PKNOX2: variants seen among roughly 807,000 people sequenced by gnomAD.
The protein encoded by PKNOX2 is homeobox protein PKNOX2.
Under a neutral mutation model 53.1 loss-of-function variants are expected in PKNOX2, and 14 were observed. The ratio of observed to expected loss-of-function variants is 0.26; its 90% CI spans 0.17 to 0.41. The LOEUF (loss-of-function observed/expected upper bound fraction) is 0.41, where lower values mean the gene tolerates loss of function less well. PKNOX2 is among the 10% of genes least tolerant of loss of function. PKNOX2 has a pLI of 1.00. For missense variants in PKNOX2, 496 were observed against 602.8 expected (o/e 0.82, Z 1.85); for synonymous variants, 257 against 242.8 (o/e 1.06, Z -0.54).
intron 2 of PKNOX2, among the ~76,000 whole-genome samples, chr11:125,282,106 C>G (rs566130495): frequency 6.6e-6 from 1 of 152,330 alleles, no homozygotes; most frequent in Non-Finnish European, 1.5e-5. Context: ...CACTGCTCAG[C>G]TTGTCAGATA....
At chr11:125,296,299 A>G (rs1490591086) in intron 2 of PKNOX2, among the ~76,000 whole-genome samples, 1 of 152,170 alleles carries the variant, frequency 6.6e-6, no homozygotes, top group African/African-American at 2.4e-5. Flanking sequence ...ATGAACACTC[A>G]AAGTCTACTC....
At chr11:125,341,455 G>A (rs1447377883) in intron 3 of PKNOX2, among the ~76,000 whole-genome samples, 5 of 152,248 alleles carry the variant, frequency 3.3e-5, no homozygotes, top group African/African-American at 1.2e-4. Context: ...GGTAGACTTT[G>A]TGCAGTCATA....
intron 1 of PKNOX2, among the ~76,000 whole-genome samples, chr11:125,221,692 G>A (rs1941168785): frequency 6.6e-6 from 1 of 152,084 alleles, no homozygotes; most frequent in South Asian, 2.1e-4. Flanking sequence ...AGCAACACTG[G>A]CACATTTCCT....
intron 7 of PKNOX2, among the ~76,000 whole-genome samples, chr11:125,401,885 G>T (rs1029231201): frequency 1.3e-5 from 2 of 152,050 alleles, no homozygotes; most frequent in Admixed American, 1.3e-4. Flanking sequence ...CCTGGGGAGG[G>T]GTGTCTCCCC....
chr11:125,222,286 A>G (rs902194744), intron 1 of PKNOX2, among the ~76,000 whole-genome samples: 1 of 151,776 alleles, frequency 6.6e-6, no homozygotes, highest in African/African-American at 2.4e-5. Context: ...GCTGACACGG[A>G]TGCCTTTCCT....
intron 3 of PKNOX2, among the ~76,000 whole-genome samples, chr11:125,340,793 C>T (rs955388343): frequency 8.6e-5 from 13 of 151,778 alleles, no homozygotes; most frequent in Admixed American, 4.6e-4. Context: ...GGCTCACGCC[C>T]GTAATCCCAG....
chr11:125,339,805 A>G (rs1030583768), intron 3 of PKNOX2, among the ~76,000 whole-genome samples: 8 of 152,230 alleles, frequency 5.3e-5, no homozygotes, highest in African/African-American at 1.9e-4. Context: ...CAGCTACGAC[A>G]CATTATCAGA....
At chr11:125,378,230 G>A (rs190627111) in intron 5 of PKNOX2, among the ~76,000 whole-genome samples, 26 of 152,342 alleles carry the variant, frequency 1.7e-4, no homozygotes, top group Admixed American at 7.8e-4. Flanking sequence ...CACTCACTGT[G>A]TGCCGGTAGG....
intron 2 of PKNOX2, among the ~76,000 whole-genome samples, chr11:125,328,188 G>T (rs1024138391): frequency 1.3e-5 from 2 of 152,198 alleles, no homozygotes; most frequent in African/African-American, 4.8e-5. Context: ...CCTGACCCTG[G>T]CCCTGAGCCC....
intron 2 of PKNOX2, among the ~76,000 whole-genome samples, chr11:125,314,750 C>T (rs1036745551): frequency 6.6e-6 from 1 of 152,152 alleles, no homozygotes; most frequent in Admixed American, 6.5e-5. Context: ...GCCCTGCCCC[C>T]GAGAGGACAA....
At chr11:125,243,458 T>C (rs1943312369) in intron 2 of PKNOX2, among the ~76,000 whole-genome samples, 1 of 152,148 alleles carries the variant, frequency 6.6e-6, no homozygotes, top group African/African-American at 2.4e-5. Context: ...GGACTCCATG[T>C]CTCGTTATCT....
Position 125,431,880 on chromosome 11 carries a change from C to T in PKNOX2, c.*488C>T, listed in dbSNP as rs116112817. 6.6e-3 allele frequency: 1,080 copies of T among 163,296 alleles called. 14 individuals are homozygous for T. The highest frequency in any genetic ancestry group is 0.025 in the African/African-American group (1,034 of 41,782). The allele number at this position is 163,296 out of a possible 1,614,324, so 10.1% of individuals were successfully genotyped here. On this transcript the variant is annotated 3_prime_UTR_variant, in exon 13 of 13. Transcript: ENST00000298282. Reference sequence around the variant, plus strand: ...AGCTCCTTTGACAGACATTCAAGGGCAGGAGGGAGCCCCAAAGCATAACCA... The same window carrying T: ...AGCTCCTTTGACAGACATTCAAGGGTAGGAGGGAGCCCCAAAGCATAACCA...
intron 10 of PKNOX2, among the ~76,000 whole-genome samples, chr11:125,426,904 A>G (rs1340436755): frequency 1.3e-5 from 2 of 152,212 alleles, no homozygotes; most frequent in East Asian, 3.9e-4. Flanking sequence ...GGCCTTGCAG[A>G]GGCTGTGATC....
At chr11:125,377,191 G>T (rs1952893441) in intron 5 of PKNOX2, among the ~76,000 whole-genome samples, 1 of 152,238 alleles carries the variant, frequency 6.6e-6, no homozygotes, top group South Asian at 2.1e-4. Flanking sequence ...ACAGGAACCT[G>T]CATGGGAGGT....
intron 3 of PKNOX2, among the ~76,000 whole-genome samples, chr11:125,336,122 A>G (rs898588393): frequency 6.6e-6 from 1 of 152,194 alleles, no homozygotes; most frequent in Admixed American, 6.5e-5. Flanking sequence ...TATTATATAG[A>G]TGCATAATTA....
chr11:125,298,189 G>T (rs981301056), intron 2 of PKNOX2, among the ~76,000 whole-genome samples: 2 of 152,158 alleles, frequency 1.3e-5, no homozygotes, highest in African/African-American at 2.4e-5. Context: ...AGAGGCTGTT[G>T]GTTACCCCTG....
chr11:125,332,899 C>A (rs1950219147), intron 3 of PKNOX2, among the ~76,000 whole-genome samples: 1 of 152,152 alleles, frequency 6.6e-6, no homozygotes, highest in Non-Finnish European at 1.5e-5. Context: ...TGAGGACAGA[C>A]TGGCAACAAT....
At chr11:125,211,438 C>T (rs1939834366) in intron 1 of PKNOX2, among the ~76,000 whole-genome samples, 1 of 152,144 alleles carries the variant, frequency 6.6e-6, no homozygotes, top group Admixed American at 6.5e-5. Flanking sequence ...ATTCTGCCCT[C>T]ATAAATTTTA....
rs544571526 is a variant in PKNOX2, at chr11:125,310,902, G to A, written c.-129-20917G>A. Among the ~76,000 whole-genome samples, 15 of 151,978 alleles carry A rather than the reference G, an allele frequency of 9.9e-5. No homozygotes were observed. The Middle Eastern group carries it at 0.01, about 103-fold the overall frequency. On this transcript the variant is annotated intron_variant, in intron 2 of 12. Coordinates refer to ENST00000298282, the MANE Select transcript of PKNOX2 (RefSeq NM_001382323.2). ...GAGTTCAATCGTTTGCTTTCCTTCT[G>A]TCGTCTGGTAACCTCATATGTCTGC...
Sources: allele counts gnomAD v4.1 joint callset (sites outside exome capture counted in the v4.1 genomes callset), GRCh38; gene constraint gnomAD v4.1.1; transcripts MANE v1.5; gene names NCBI Gene and HGNC (gene_info 2026-07-23, HGNC 2026-07-21).